ANO4: variants seen among roughly 807,000 people sequenced by gnomAD.
The protein encoded by ANO4 is anoctamin 4.
In ANO4, 69 loss-of-function variants were observed where a neutral mutation model predicts 141.9. That is an observed-to-expected ratio of 0.49 (90% confidence interval 0.40 to 0.59). ANO4 has a LOEUF of 0.59. ANO4 is among the 20% of genes least tolerant of loss of function. The probability of loss-of-function intolerance (pLI) is 0.00; values close to 1 mark genes in which losing one functional copy is unlikely to be tolerated. For missense variants in ANO4, 894 were observed against 1,162.2 expected, an observed-to-expected ratio of 0.77 and a Z score of 3.36; for synonymous variants, 350 against 394.3, an observed-to-expected ratio of 0.89 and a Z score of 1.33.
intron 1 of ANO4, among the ~76,000 whole-genome samples, chr12:100,892,291 T>C (rs117741313): frequency 1.3e-5 from 2 of 151,934 alleles, no homozygotes; most frequent in East Asian, 3.9e-4. Flanking sequence ...ATTTAAAGAG[T>C]TTTAAATCAC....
chr12:100,830,707 A>G (rs1593453507), intron 1 of ANO4, among the ~76,000 whole-genome samples: 1 of 152,004 alleles, frequency 6.6e-6, no homozygotes, highest in Non-Finnish European at 1.5e-5. Flanking sequence ...CATACCAGAT[A>G]CTTCTCCTGC....
chr12:101,036,524 G>A lies in ANO4; in HGVS notation c.842-571G>A, dbSNP rs76123888. ...TGGAATATTGTTCAACCATAAAAAA[G>A]AAGAAAATCCTGCCATTTGCAACAT... On this transcript the variant is annotated intron_variant, in intron 9 of 27. Transcript: ENST00000392977. 8.8e-3 allele frequency among the ~76,000 whole-genome samples: 1,336 copies of A among 152,224 alleles called. 25 individuals carry two copies. Among genetic ancestry groups the A allele is most frequent in the African/African-American group, 0.03 (1,241 of 41,532 alleles).
intron 14 of ANO4, among the ~76,000 whole-genome samples, chr12:101,058,484 C>G (rs1310530841): frequency 6.6e-6 from 1 of 152,148 alleles, no homozygotes; most frequent in Non-Finnish European, 1.5e-5. Flanking sequence ...TTGATTCTTC[C>G]TATCCATAAG....
intron 1 of ANO4, among the ~76,000 whole-genome samples, chr12:100,832,385 C>T (rs114860475): frequency 0.023 from 3,435 of 151,886 alleles, 133 homozygotes; most frequent in African/African-American, 0.078. Flanking sequence ...GGTGAGTTGA[C>T]GAAAAAGCAA....
chr12:100,870,469 C>A (rs2135924520), intron 1 of ANO4, among the ~76,000 whole-genome samples: 1 of 152,156 alleles, frequency 6.6e-6, no homozygotes, highest in Non-Finnish European at 1.5e-5. Context: ...TTTTTTTTTA[C>A]ATCATAGCCC....
At chr12:100,765,396 T>TG (rs2033032859) in intron 3 of ANO4, among the ~76,000 whole-genome samples, 1 of 149,100 alleles carries the variant, frequency 6.7e-6, no homozygotes, top group Admixed American at 6.7e-5. Flanking sequence ...TTTTTTTTTT[T>TG]GAGACAGGGT....
At chr12:100,992,979 C>G (rs2045209266) in intron 8 of ANO4, among the ~76,000 whole-genome samples, 1 of 152,130 alleles carries the variant, frequency 6.6e-6, no homozygotes, top group African/African-American at 2.4e-5. Context: ...ATCACTTGAG[C>G]TCAGGAATTC....
intron 5 of ANO4, among the ~76,000 whole-genome samples, chr12:100,970,659 C>CGCCTTCCTT (rs1566071629): frequency 1.6e-4 from 18 of 113,756 alleles, no homozygotes; most frequent in Admixed American, 4.9e-4. Context: ...CTCCCTCCCT[C>CGCCTTCCTT]CCTCTCCTTC....
At chr12:100,819,327 C>T (rs547209089) in intron 1 of ANO4, among the ~76,000 whole-genome samples, 5 of 151,760 alleles carry the variant, frequency 3.3e-5, no homozygotes, top group Non-Finnish European at 5.9e-5. Flanking sequence ...TTTACCAATG[C>T]TGTCAGGTAG....
intron 21 of ANO4, 23 bp downstream of exon 21, chr12:101,097,968 T>C (rs1271300383): frequency 1.3e-6 from 2 of 1,596,538 alleles, no homozygotes; most frequent in South Asian, 1.1e-5. Flanking sequence ...GTATCAATAA[T>C]TGAGAGGCAG....
intron 1 of ANO4, among the ~76,000 whole-genome samples, chr12:100,882,760 A>G (rs2039631996): frequency 6.6e-6 from 1 of 151,856 alleles, no homozygotes; most frequent in Non-Finnish European, 1.5e-5. Context: ...GTGCAGTGGC[A>G]TGATCTTGGC....
At chr12:100,900,700 T>C (rs1452493826) in intron 1 of ANO4, among the ~76,000 whole-genome samples, 1 of 152,184 alleles carries the variant, frequency 6.6e-6, no homozygotes, top group Non-Finnish European at 1.5e-5. Flanking sequence ...CTCAGCAAAC[T>C]ATCACAGGGA....
At chr12:100,873,953 G>C (rs2039164999) in intron 1 of ANO4, among the ~76,000 whole-genome samples, 1 of 152,214 alleles carries the variant, frequency 6.6e-6, no homozygotes, top group Non-Finnish European at 1.5e-5. Context: ...ACTGCTCCCT[G>C]TGTCCTAGCT....
At chr12:100,812,490 T>TCATACATAATAATGTGTATA (rs201140398) in intron 1 of ANO4, among the ~76,000 whole-genome samples, 3,516 of 152,178 alleles carry the variant, frequency 0.023, 102 homozygotes, top group African/African-American at 0.068. Context: ...ATTACCTTAT[T>TCATACATAATAATGTGTATA]CATACATAAT....
At chr12:100,811,178 A>AC (rs771593346) in intron 1 of ANO4, among the ~76,000 whole-genome samples, 5 of 152,186 alleles carry the variant, frequency 3.3e-5, no homozygotes, top group African/African-American at 4.8e-5. Flanking sequence ...CATAGATCAT[A>AC]GATCTTGGGA....
chr12:100,879,639 A>G (rs995242651), intron 1 of ANO4, among the ~76,000 whole-genome samples: 7 of 152,212 alleles, frequency 4.6e-5, no homozygotes, highest in Non-Finnish European at 1.0e-4. Flanking sequence ...GGCAGCAACC[A>G]CTTCTAGTTT....
At chr12:100,788,255 G>C (rs763618970) in intron 3 of ANO4, among the ~76,000 whole-genome samples, 1 of 152,180 alleles carries the variant, frequency 6.6e-6, no homozygotes, top group African/African-American at 2.4e-5. Flanking sequence ...GTCTTCCCAG[G>C]ATAGACTTGG....
chr12:100,974,608 A>AG (rs1338770173), intron 6 of ANO4, among the ~76,000 whole-genome samples: 3 of 152,134 alleles, frequency 2.0e-5, no homozygotes, highest in Admixed American at 2.0e-4. Flanking sequence ...TTAAAAAAAA[A>AG]TTATGGTAAT....
At chr12:100,800,477 T>G (rs745580559) in intron 1 of ANO4, among the ~76,000 whole-genome samples, 4 of 152,260 alleles carry the variant, frequency 2.6e-5, no homozygotes, top group Non-Finnish European at 5.9e-5. Context: ...GGCAGATTTT[T>G]TTCCCTGTGG....
Sources: gnomAD v4.1 joint callset for allele counts (sites outside exome capture counted in the v4.1 genomes callset) on GRCh38, gnomAD v4.1.1 for gene constraint, MANE v1.5 for transcripts, NCBI Gene and HGNC (gene_info 2026-07-23, HGNC 2026-07-21) for gene names.